ANKRD55: variants seen among roughly 807,000 people sequenced by gnomAD.
The protein encoded by ANKRD55 is ankyrin repeat domain 55, also known as ankyrin repeat domain-containing protein 55.
Under a neutral mutation model 60.6 loss-of-function variants are expected in ANKRD55, and 41 were observed. The observed-to-expected ratio is 0.68, with a 90% confidence interval of 0.53 to 0.88. ANKRD55 has a LOEUF of 0.88. ANKRD55 is among the 40% of genes least tolerant of loss of function. ANKRD55 has a pLI of 0.00. For synonymous variants in ANKRD55, 264 were observed against 290.3 expected, an observed-to-expected ratio of 0.91 and a Z score of 0.92; for missense variants, 732 against 767.6, an observed-to-expected ratio of 0.95 and a Z score of 0.55.
chr5:56,135,278 C>G (rs796758468), intron 7 of ANKRD55, among the ~76,000 whole-genome samples: 6,188 of 76,796 alleles, frequency 0.081, 655 homozygotes, highest in African/African-American at 0.23. Flanking sequence ...CTCCCTCCCT[C>G]CCTGCCTGCC....
intron 8 of ANKRD55, among the ~76,000 whole-genome samples, chr5:56,120,798 C>G (rs1757024491): frequency 6.6e-6 from 1 of 150,986 alleles, no homozygotes; most frequent in Admixed American, 6.6e-5. Context: ...ACTCGGGAGG[C>G]TGAGGCAGGA....
intron 7 of ANKRD55, among the ~76,000 whole-genome samples, chr5:56,135,290 G>GCCTGCCTGCTTTCTTTCTTT: frequency 1.4e-5 from 1 of 69,328 alleles, no homozygotes; most frequent in East Asian, 4.3e-4. Context: ...CTGCCTGCCT[G>GCCTGCCTGCTTTCTTTCTTT]CTTGCTTTCT....
chr5:56,190,630 T>C lies in ANKRD55; in HGVS notation c.59-6996A>G, dbSNP rs1270268692. Reference sequence around the variant, plus strand: ...CTATAACACAATACTATAGACTGGGTAATTTATAAATAAACTTATTTGGCT... The same window carrying C: ...CTATAACACAATACTATAGACTGGGCAATTTATAAATAAACTTATTTGGCT... On this transcript the variant is annotated intron_variant, in intron 2 of 11. Transcript: ENST00000341048. 2.6e-5 allele frequency among the ~76,000 whole-genome samples: 4 copies of C among 152,194 alleles called. No homozygotes were observed. In the South Asian group the frequency reaches 6.2e-4, roughly 24 times the overall value.
chr5:56,111,059 G>A (rs1295970726), intron 10 of ANKRD55, 59 bp downstream of exon 10: 18 of 1,548,982 alleles, frequency 1.2e-5, no homozygotes, highest in Non-Finnish European at 1.5e-5. Context: ...GCTTAAAACT[G>A]TACGGGACAT....
intron 2 of ANKRD55, among the ~76,000 whole-genome samples, chr5:56,209,950 T>TA (rs1035448857): frequency 3.9e-5 from 6 of 152,034 alleles, no homozygotes; most frequent in African/African-American, 7.2e-5. Flanking sequence ...GCTTTACAAT[T>TA]AAAAAAAATT....
chr5:56,215,426 T>C (rs1277889374), intron 2 of ANKRD55, among the ~76,000 whole-genome samples: 1 of 150,902 alleles, frequency 6.6e-6, no homozygotes, highest in Non-Finnish European at 1.5e-5. Flanking sequence ...TGAGGCCTCT[T>C]AGCAGAGCTC....
intron 11 of ANKRD55, 77 bp from the exon 12 acceptor site, chr5:56,100,381 GT>G: frequency 6.4e-7 from 1 of 1,565,164 alleles, no homozygotes; most frequent in Non-Finnish European, 8.8e-7. Context: ...ATTGTATTGT[GT>G]TTTAGGAGTC....
At chr5:56,105,858 T>C (rs1055701928) in intron 10 of ANKRD55, among the ~76,000 whole-genome samples, 3 of 152,242 alleles carry the variant, frequency 2.0e-5, no homozygotes. Context: ...AGCTCTCTTT[T>C]GCAGGAGAAA....
chr5:56,218,667 T>C (rs1759881172), intron 2 of ANKRD55, among the ~76,000 whole-genome samples: 1 of 152,246 alleles, frequency 6.6e-6, no homozygotes, highest in Non-Finnish European at 1.5e-5. Context: ...TTTTGCAATA[T>C]TCACTTTGTT....
intron 8 of ANKRD55, among the ~76,000 whole-genome samples, chr5:56,118,297 A>T (rs939476405): frequency 4.6e-5 from 7 of 152,224 alleles, no homozygotes; most frequent in African/African-American, 1.7e-4. Context: ...CATAGTCAAC[A>T]AAGTATTACT....
chr5:56,186,632 T>A (rs160932), intron 2 of ANKRD55, among the ~76,000 whole-genome samples: 65,766 of 151,760 alleles, frequency 0.43, 17,729 homozygotes, highest in African/African-American at 0.76. Context: ...ACTTAAAAAA[T>A]TTTTTTTTGG....
chr5:56,219,964 G>C (rs534046800), intron 2 of ANKRD55, among the ~76,000 whole-genome samples: 3 of 152,332 alleles, frequency 2.0e-5, no homozygotes, highest in African/African-American at 7.2e-5. Flanking sequence ...ACTTAGTTCT[G>C]GCACTGTGGG....
intron 7 of ANKRD55, among the ~76,000 whole-genome samples, chr5:56,132,934 T>A (rs1757462628): frequency 6.6e-6 from 1 of 152,146 alleles, no homozygotes; most frequent in Non-Finnish European, 1.5e-5. Context: ...AAGAAGGGTA[T>A]TACATAATGA....
At chr5:56,217,738 C>CA (rs1338541542) in intron 2 of ANKRD55, among the ~76,000 whole-genome samples, 3 of 151,248 alleles carry the variant, frequency 2.0e-5, no homozygotes, top group Non-Finnish European at 3.0e-5. Flanking sequence ...ACTAAAAATA[C>CA]AAAAAAAATT....
chr5:56,172,331 G>A (rs1758627978), intron 4 of ANKRD55, among the ~76,000 whole-genome samples: 1 of 152,020 alleles, frequency 6.6e-6, no homozygotes, highest in South Asian at 2.1e-4. Context: ...GGCATTTCCA[G>A]TCTTGAGTCA....
At chr5:56,135,286 G>C (rs868198851) in intron 7 of ANKRD55, among the ~76,000 whole-genome samples, 3,571 of 48,526 alleles carry the variant, frequency 0.074, 164 homozygotes, top group Non-Finnish European at 0.082. Context: ...CTCCCTGCCT[G>C]CCTGCTTGCT....
chr5:56,157,876 T>C lies in ANKRD55; in HGVS notation c.483+1957A>G, dbSNP rs118157361. On this transcript the variant is annotated intron_variant, in intron 6 of 11. Coordinates refer to ENST00000341048, the MANE Select transcript of ANKRD55 (RefSeq NM_024669.3). Reference sequence around the variant, plus strand: ...CCGTGGGCCCACTTTTCTTCTTCTATACTTTGTCTCTGTGTCTCTTTCTTT... The same window carrying C: ...CCGTGGGCCCACTTTTCTTCTTCTACACTTTGTCTCTGTGTCTCTTTCTTT... 1.2e-3 allele frequency among the ~76,000 whole-genome samples: 179 copies of C among 152,298 alleles called. 2 individuals are homozygous for C. The East Asian group carries it at 0.032, about 27-fold the overall frequency.
At chr5:56,171,552 C>A (rs1758611338) in intron 4 of ANKRD55, among the ~76,000 whole-genome samples, 1 of 152,226 alleles carries the variant, frequency 6.6e-6, no homozygotes, top group Admixed American at 6.5e-5. Context: ...GCTACTTTAA[C>A]TGACCCATAC....
At chr5:56,137,830 T>C (rs1757648962) in intron 7 of ANKRD55, among the ~76,000 whole-genome samples, 1 of 152,084 alleles carries the variant, frequency 6.6e-6, no homozygotes, top group Admixed American at 6.5e-5. Context: ...AACTCAACAG[T>C]AAGAAAACAA....
Sources: gnomAD v4.1 joint callset for allele counts (sites outside exome capture counted in the v4.1 genomes callset) on GRCh38, gnomAD v4.1.1 for gene constraint, MANE v1.5 for transcripts, NCBI Gene and HGNC (gene_info 2026-07-23, HGNC 2026-07-21) for gene names.